SH3GLB1: variants seen among roughly 807,000 people sequenced by gnomAD.
The protein encoded by SH3GLB1 is endophilin-B1.
Under a neutral mutation model 42.0 loss-of-function variants are expected in SH3GLB1, and 17 were observed. The ratio of observed to expected loss-of-function variants is 0.40; its 90% confidence interval spans 0.28 to 0.61. The LOEUF is 0.61. Ranked by LOEUF, SH3GLB1 falls within the 20% of genes least tolerant of loss-of-function variation. The pLI, the probability that SH3GLB1 is intolerant of heterozygous loss-of-function variation, is 0.36. For synonymous variants in SH3GLB1, 132 were observed against 146.6 expected, an observed-to-expected ratio of 0.90 and a Z score of 0.72; for missense variants, 355 against 426.3, an observed-to-expected ratio of 0.83 and a Z score of 1.47.
intron 7 of SH3GLB1, among the ~76,000 whole-genome samples, chr1:86,739,644 G>A (rs533786213): frequency 6.6e-6 from 1 of 152,180 alleles, no homozygotes; most frequent in South Asian, 2.1e-4. Context: ...GAGAAAGTGG[G>A]GTCTAGCAAT....
At chr1:86,734,371 C>T (rs1064094) in intron 5 of SH3GLB1, 12,733 of 412,720 alleles carry the variant, frequency 0.031, 267 homozygotes, top group Non-Finnish European at 0.044. Context: ...TAAGCTTTAG[C>T]GTAACAGATT....
chr1:86,717,448 C>T (rs1570416220), intron 2 of SH3GLB1, among the ~76,000 whole-genome samples: 1 of 151,314 alleles, frequency 6.6e-6, no homozygotes, highest in East Asian at 1.9e-4. Flanking sequence ...GAGACAGAGT[C>T]TTGCTGTGTC....
At chr1:86,714,327 A>T (rs890747834) in intron 1 of SH3GLB1, among the ~76,000 whole-genome samples, 3 of 152,142 alleles carry the variant, frequency 2.0e-5, no homozygotes, top group Non-Finnish European at 2.9e-5. Flanking sequence ...TGGCCTTGGG[A>T]TCAGGGTTTG....
chr1:86,724,886 A>ATATAT (rs1409906302), intron 5 of SH3GLB1, among the ~76,000 whole-genome samples: 1 of 102,408 alleles, frequency 9.8e-6, no homozygotes, highest in Admixed American at 8.9e-5. Context: ...AAAAAAAAAA[A>ATATAT]AAAAAAATAT....
chr1:86,729,204 GTTTTA>G (rs757231193), intron 5 of SH3GLB1, among the ~76,000 whole-genome samples: 2 of 152,086 alleles, frequency 1.3e-5, no homozygotes, highest in Non-Finnish European at 2.9e-5. Flanking sequence ...TATATAGTGT[GTTTTA>G]TTTTATTTCT....
chr1:86,745,461 A>G lies in SH3GLB1; in HGVS notation c.*2226A>G, dbSNP rs1656254721. ...TACATCTGGGCTCTGTTTTCTCTCT[A>G]TCAATCCTATCCTCCACCCTCTTTA... is the stretch of plus-strand genomic sequence containing the variant. On this transcript the variant is annotated 3_prime_UTR_variant, in exon 9 of 9. Transcript: ENST00000370558. 3 of 152,124 alleles carry G rather than the reference A, an allele frequency of 2.0e-5. No individual in the cohort carries two copies. The highest frequency in any genetic ancestry group is 2.1e-4 in the South Asian group (1 of 4,828). The allele number at this position is 152,124 out of a possible 1,614,324, so 9.4% of individuals were successfully genotyped here. A position where few individuals can be genotyped will look rare whatever the true frequency, so the allele number is the denominator to read the frequency against.
chr1:86,726,352 T>A (rs1655194128), intron 5 of SH3GLB1, among the ~76,000 whole-genome samples: 1 of 152,094 alleles, frequency 6.6e-6, no homozygotes, highest in Non-Finnish European at 1.5e-5. Context: ...TTAATATTTC[T>A]AAATTATTTT....
chr1:86,738,956 C>G lies in SH3GLB1; in HGVS notation c.762-3252C>G, dbSNP rs79983819. ...ACCACGTCCATCTGCAAGTTTTTGA[C>G]CTAAGTAACTGAAAGAATGGGGAGT... is the stretch of plus-strand genomic sequence containing the variant. On this transcript the variant is annotated intron_variant, in intron 7 of 8. Transcript: ENST00000370558. Among the ~76,000 whole-genome samples the G allele has an allele frequency of 2.4e-3, 359 of 152,242 alleles. 3 individuals are homozygous for G. Among genetic ancestry groups the G allele is most frequent in the African/African-American group, 8.2e-3 (341 of 41,544 alleles).
rs1382782107 is a variant in SH3GLB1, at chr1:86,747,955, G to T, written c.*4720G>T. 1.3e-5 allele frequency: 2 copies of T among 152,086 alleles called. No individual in the cohort carries two copies. Among genetic ancestry groups the T allele is most frequent in the African/African-American group, 2.4e-5 (1 of 41,412 alleles). 9.4% of individuals were successfully genotyped at this position (152,086 alleles called of 1,614,324 possible). ...AGAACCACTGTTATTTAAGTATATG[G>T]CCTTCCAGACTTTTCTGTGCATTTA... is the stretch of plus-strand genomic sequence containing the variant. On this transcript the variant is annotated 3_prime_UTR_variant, in exon 9 of 9. Coordinates refer to ENST00000370558, the MANE Select transcript of SH3GLB1 (RefSeq NM_016009.5).
chr1:86,736,455 G>A (rs570219177), intron 7 of SH3GLB1, among the ~76,000 whole-genome samples: 32 of 152,202 alleles, frequency 2.1e-4, no homozygotes, highest in Admixed American at 7.2e-4. Flanking sequence ...ATATACAGGA[G>A]CATTTACATA....
intron 5 of SH3GLB1, among the ~76,000 whole-genome samples, chr1:86,726,813 T>TC (rs544109033): frequency 6.6e-6 from 1 of 151,884 alleles, no homozygotes; most frequent in Non-Finnish European, 1.5e-5. Flanking sequence ...ATCCTTTTTT[T>TC]CCCCCCTGTA....
At chr1:86,720,028 G>C (rs1654783032) in intron 3 of SH3GLB1, among the ~76,000 whole-genome samples, 1 of 146,932 alleles carries the variant, frequency 6.8e-6, no homozygotes. Flanking sequence ...CATAGTAGTA[G>C]AATTGGTTTT....
chr1:86,723,974 C>A (rs1655013334), intron 4 of SH3GLB1, among the ~76,000 whole-genome samples: 1 of 152,200 alleles, frequency 6.6e-6, no homozygotes, highest in Non-Finnish European at 1.5e-5. Flanking sequence ...CCAATAACAT[C>A]CCTCCACCAA....
At chr1:86,715,921 T>TAAA in intron 2 of SH3GLB1, 56 bp downstream of exon 2, 1 of 1,444,224 alleles carries the variant, frequency 6.9e-7, no homozygotes, top group South Asian at 1.4e-5. Flanking sequence ...TTTTAAATGT[T>TAAA]AAAAAAAAAA....
intron 5 of SH3GLB1, 61 bp downstream of exon 5, chr1:86,724,466 A>G (rs899921591): frequency 6.9e-6 from 9 of 1,308,252 alleles, no homozygotes; most frequent in South Asian, 5.5e-5. Flanking sequence ...TATTTTGCTA[A>G]TAAACCATGA....
At chr1:86,722,911 AC>A (rs1476644131) in intron 4 of SH3GLB1, among the ~76,000 whole-genome samples, 3 of 152,188 alleles carry the variant, frequency 2.0e-5, no homozygotes, top group Admixed American at 6.5e-5. Context: ...TTCATTCATT[AC>A]CAACGCTAAA....
chr1:86,708,496 G>A (rs920355802), intron 1 of SH3GLB1, among the ~76,000 whole-genome samples: 1 of 152,030 alleles, frequency 6.6e-6, no homozygotes, highest in African/African-American at 2.4e-5. Flanking sequence ...TTAAAAAAAG[G>A]TCAGCTCAAA....
intron 2 of SH3GLB1, among the ~76,000 whole-genome samples, chr1:86,717,024 G>T (rs1293170659): frequency 6.6e-6 from 1 of 152,234 alleles, no homozygotes; most frequent in South Asian, 2.1e-4. Flanking sequence ...GTTGAGTTCT[G>T]TGCTCAGTAC....
intron 1 of SH3GLB1, among the ~76,000 whole-genome samples, chr1:86,712,722 C>T (rs1654282017): frequency 6.6e-6 from 1 of 151,856 alleles, no homozygotes; most frequent in Non-Finnish European, 1.5e-5. Context: ...GACTGTCTCA[C>T]TCATGTGTAA....
Sources: gnomAD v4.1 joint callset for allele counts (sites outside exome capture counted in the v4.1 genomes callset) on GRCh38, gnomAD v4.1.1 for gene constraint, MANE v1.5 for transcripts, NCBI Gene and HGNC (gene_info 2026-07-23, HGNC 2026-07-21) for gene names.